SNTG1: variants seen among roughly 807,000 people sequenced by gnomAD.
The protein encoded by SNTG1 is gamma-1-syntrophin.
A neutral mutation model predicts 74.7 loss-of-function variants in SNTG1; 39 were observed. The observed-to-expected ratio is 0.52, with a 90% CI of 0.40 to 0.68. SNTG1 has a LOEUF of 0.68. Ranked by LOEUF, SNTG1 falls within the 30% of genes least tolerant of loss-of-function variation. SNTG1 has a pLI of 0.00. For missense variants in SNTG1, 685 were observed against 609.5 expected, an observed-to-expected ratio of 1.12 and a Z score of -1.30; for synonymous variants, 254 against 217.1, an observed-to-expected ratio of 1.17 and a Z score of -1.49.
intron 2 of SNTG1, among the ~76,000 whole-genome samples, chr8:50,383,824 T>G (rs986004020): frequency 6.6e-6 from 1 of 152,192 alleles, no homozygotes; most frequent in Admixed American, 6.5e-5. Context: ...AATTTCCCTC[T>G]GGAAGTCAGT....
At chr8:50,713,217 C>T (rs914358022) in intron 17 of SNTG1, among the ~76,000 whole-genome samples, 5 of 152,140 alleles carry the variant, frequency 3.3e-5, no homozygotes, top group East Asian at 1.9e-4. Context: ...CATGGTATCA[C>T]GTTGTGGTTT....
At chr8:50,752,186 C>T (rs796152177) in intron 18 of SNTG1, 75 bp downstream of exon 18, 14 of 742,600 alleles carry the variant, frequency 1.9e-5, no homozygotes, top group South Asian at 7.2e-5. Context: ...GGGAAACTTT[C>T]GGGGAATCAC....
chr8:50,230,490 C>T (rs2132058510), intron 2 of SNTG1, among the ~76,000 whole-genome samples: 1 of 151,354 alleles, frequency 6.6e-6, no homozygotes, highest in Admixed American at 6.6e-5. Flanking sequence ...GGACAAACTA[C>T]CTCAACTTGT....
rs543779583 is a variant in SNTG1, at chr8:50,117,036, A to T, written c.-102-55525A>T. On this transcript the variant is annotated intron_variant, in intron 1 of 18. Transcript: ENST00000642720. ...TCAGTGGAGAATGAGGCATGAAACAACATGACGAAGATTATATTTGATAAT... is the reference window on the plus strand; with the variant it reads ...TCAGTGGAGAATGAGGCATGAAACATCATGACGAAGATTATATTTGATAAT... Among the ~76,000 whole-genome samples, 12 of 152,240 alleles carry T rather than the reference A, an allele frequency of 7.9e-5. No individual in the cohort carries two copies. The East Asian group carries it at 1.9e-3, about 25-fold the overall frequency.
intron 2 of SNTG1, among the ~76,000 whole-genome samples, chr8:50,342,764 G>C (rs552529854): frequency 2.6e-5 from 4 of 152,238 alleles, no homozygotes. Flanking sequence ...GATCACCATA[G>C]TAGTATTTAT....
intron 12 of SNTG1, among the ~76,000 whole-genome samples, chr8:50,556,526 A>G (rs752050599): frequency 6.0e-4 from 92 of 152,234 alleles, no homozygotes; most frequent in Non-Finnish European, 1.0e-3. Context: ...TTTTTTATTC[A>G]TTATTTCACC....
intron 2 of SNTG1, among the ~76,000 whole-genome samples, chr8:50,207,665 C>T (rs1027831661): frequency 1.3e-5 from 2 of 152,120 alleles, no homozygotes; most frequent in African/African-American, 4.8e-5. Flanking sequence ...ATTATGGTGT[C>T]AATTTTACAT....
At chr8:50,293,560 C>A (rs1334620467) in intron 2 of SNTG1, among the ~76,000 whole-genome samples, 1 of 151,958 alleles carries the variant, frequency 6.6e-6, no homozygotes, top group Admixed American at 6.6e-5. Context: ...CAGGCATGCA[C>A]CAAAACGCCC....
intron 1 of SNTG1, among the ~76,000 whole-genome samples, chr8:49,924,622 C>A (rs1202337021): frequency 6.6e-6 from 1 of 152,056 alleles, no homozygotes; most frequent in Non-Finnish European, 1.5e-5. Context: ...CAATTTGTTT[C>A]AAGTTTCAAA....
chr8:50,647,702 A>T (rs2095118774), intron 13 of SNTG1, among the ~76,000 whole-genome samples: 1 of 152,214 alleles, frequency 6.6e-6, no homozygotes, highest in Admixed American at 6.5e-5. Context: ...TACAAGCTTC[A>T]CATATGGGGC....
chr8:50,017,357 A>G (rs1816420764), intron 1 of SNTG1, among the ~76,000 whole-genome samples: 1 of 152,084 alleles, frequency 6.6e-6, no homozygotes, highest in Admixed American at 6.6e-5. Flanking sequence ...GGATGAATAA[A>G]GAAATTTTTA....
At chr8:50,182,826 T>C (rs936439125) in intron 2 of SNTG1, among the ~76,000 whole-genome samples, 5 of 152,096 alleles carry the variant, frequency 3.3e-5, no homozygotes, top group African/African-American at 9.7e-5. Context: ...TCACTCCTCT[T>C]TTTTCTTCTG....
chr8:50,391,679 C>T (rs1474126141), intron 2 of SNTG1, among the ~76,000 whole-genome samples: 4 of 152,148 alleles, frequency 2.6e-5, no homozygotes, highest in Admixed American at 6.6e-5. Flanking sequence ...TGGTAGAATT[C>T]GGCTGTGAAT....
At chr8:49,940,390 ACT>A (rs760504834) in intron 1 of SNTG1, among the ~76,000 whole-genome samples, 8 of 152,306 alleles carry the variant, frequency 5.3e-5, no homozygotes, top group East Asian at 3.9e-4. Context: ...CCTGGGAAAT[ACT>A]GTCTCAGTGA....
chr8:50,493,488 G>T (rs767472934), intron 8 of SNTG1, among the ~76,000 whole-genome samples: 8 of 151,946 alleles, frequency 5.3e-5, no homozygotes, highest in Non-Finnish European at 7.4e-5. Context: ...AAAACAATTG[G>T]CAAACCTTCA....
At chr8:50,397,170 A>G (rs1186613634) in intron 3 of SNTG1, among the ~76,000 whole-genome samples, 1 of 152,210 alleles carries the variant, frequency 6.6e-6, no homozygotes, top group Non-Finnish European at 1.5e-5. Flanking sequence ...TGTATATTTT[A>G]TAAAGTACAA....
intron 1 of SNTG1, among the ~76,000 whole-genome samples, chr8:50,067,423 C>T (rs1446815814): frequency 6.6e-6 from 1 of 152,122 alleles, no homozygotes; most frequent in African/African-American, 2.4e-5. Flanking sequence ...AATTGTAGGC[C>T]ATATGGTTGT....
rs79024121 is a variant in SNTG1, at chr8:50,181,223, G to A, written c.-28+8588G>A. ...TTTTAGTTAACTTAATCTGACTCAT[G>A]TCCTATGCTTTTACACATGCCCCAT... On this transcript the variant is annotated intron_variant, in intron 2 of 18. Coordinates refer to ENST00000642720, the MANE Select transcript of SNTG1 (RefSeq NM_018967.5). Among the ~76,000 whole-genome samples the A allele has an allele frequency of 5.2e-3, 790 of 152,236 alleles. 1 individual carries two copies. Among genetic ancestry groups the A allele is most frequent in the Non-Finnish European group, 8.0e-3 (547 of 68,018 alleles).
At chr8:50,483,515 C>G (rs2093757830) in intron 8 of SNTG1, among the ~76,000 whole-genome samples, 1 of 152,020 alleles carries the variant, frequency 6.6e-6, no homozygotes, top group Non-Finnish European at 1.5e-5. Context: ...GCACAGCTCA[C>G]TCCATGGTGG....
Sources: allele counts gnomAD v4.1 joint callset (sites outside exome capture counted in the v4.1 genomes callset), GRCh38; gene constraint gnomAD v4.1.1; transcripts MANE v1.5; gene names NCBI Gene and HGNC (gene_info 2026-07-23, HGNC 2026-07-21).